Variants in L3MBTL4 observed in about 807,000 individuals in gnomAD.
L3MBTL4 encodes lethal(3)malignant brain tumor-like protein 4.
A neutral mutation model predicts 84.5 loss-of-function variants in L3MBTL4; 70 were observed. The ratio of observed to expected loss-of-function variants is 0.83; its 90% confidence interval spans 0.68 to 1.01. The LOEUF (loss-of-function observed/expected upper bound fraction) is 1.01. Ranked by LOEUF, L3MBTL4 falls within the 50% of genes least tolerant of loss-of-function variation. The probability of loss-of-function intolerance (pLI) is 0.00; values close to 1 mark genes in which losing one functional copy is unlikely to be tolerated. For synonymous variants in L3MBTL4, 274 were observed against 259.8 expected (o/e 1.05, Z -0.52); for missense variants, 715 against 754.8 (o/e 0.95, Z 0.62).
chr18:6,031,381 A>G (rs746504233), intron 16 of L3MBTL4: 65 of 985,328 alleles, frequency 6.6e-5, no homozygotes, highest in Non-Finnish European at 7.2e-5. Flanking sequence ...AAGAGAATGT[A>G]TATGAGGTGC....
intron 15 of L3MBTL4, among the ~76,000 whole-genome samples, chr18:6,088,327 T>G (rs79508861): frequency 6.6e-6 from 1 of 152,318 alleles, no homozygotes; most frequent in African/African-American, 2.4e-5. Context: ...CTATTTAACT[T>G]GTTGAGTGTC....
At chr18:6,020,475 A>T (rs1038273999) in intron 16 of L3MBTL4, among the ~76,000 whole-genome samples, 1 of 152,178 alleles carries the variant, frequency 6.6e-6, no homozygotes, top group Non-Finnish European at 1.5e-5. Flanking sequence ...TGCTGAAGGG[A>T]TTTCAGCATT....
intron 14 of L3MBTL4, among the ~76,000 whole-genome samples, chr18:6,101,654 C>T (rs981376653): frequency 3.3e-5 from 5 of 152,166 alleles, no homozygotes; most frequent in African/African-American, 1.2e-4. Flanking sequence ...CCTGCAGACT[C>T]GAATCCACTC....
At chr18:6,023,553 G>C (rs533845282) in intron 16 of L3MBTL4, among the ~76,000 whole-genome samples, 1 of 152,292 alleles carries the variant, frequency 6.6e-6, no homozygotes, top group African/African-American at 2.4e-5. Flanking sequence ...CATGCTACAA[G>C]CATTTACCAA....
intron 16 of L3MBTL4, among the ~76,000 whole-genome samples, chr18:6,040,568 T>C (rs2056355665): frequency 6.6e-6 from 1 of 152,192 alleles, no homozygotes; most frequent in African/African-American, 2.4e-5. Flanking sequence ...ATAAATATAA[T>C]TCAGTCCCAT....
chr18:6,374,136 T>C (rs2054271395), intron 1 of L3MBTL4, among the ~76,000 whole-genome samples: 1 of 152,204 alleles, frequency 6.6e-6, no homozygotes, highest in South Asian at 2.1e-4. Flanking sequence ...CCCTTCACAC[T>C]CCTGCTACAT....
At chr18:6,032,144 A>AT (rs899505002) in intron 16 of L3MBTL4, 7 of 275,654 alleles carry the variant, frequency 2.5e-5, no homozygotes, top group Admixed American at 1.2e-4. Flanking sequence ...CGCCTGGCTA[A>AT]TTTTTTGTAT....
intron 10 of L3MBTL4, among the ~76,000 whole-genome samples, chr18:6,219,048 G>A (rs2046439703): frequency 6.6e-6 from 1 of 152,156 alleles, no homozygotes; most frequent in Non-Finnish European, 1.5e-5. Flanking sequence ...GGTAAGCACT[G>A]TACTCACTTA....
chr18:6,318,476 A>T (rs1331275209), intron 1 of L3MBTL4, among the ~76,000 whole-genome samples: 1 of 144,952 alleles, frequency 6.9e-6, no homozygotes, highest in African/African-American at 2.5e-5. Context: ...GATAAAACAG[A>T]CTTTCAAACA....
intron 4 of L3MBTL4, among the ~76,000 whole-genome samples, chr18:6,293,001 C>A (rs1418322913): frequency 1.3e-5 from 2 of 152,168 alleles, no homozygotes; most frequent in Non-Finnish European, 2.9e-5. Flanking sequence ...TCTTATGAAA[C>A]CTCCAACCTT....
intron 12 of L3MBTL4, among the ~76,000 whole-genome samples, chr18:6,186,004 A>T (rs1169958738): frequency 6.9e-6 from 1 of 145,242 alleles, no homozygotes; most frequent in African/African-American, 2.6e-5. Context: ...ATTATTTTAT[A>T]TTTTATTTTA....
intron 16 of L3MBTL4, 61 bp from the exon 17 acceptor site, chr18:5,969,623 A>T: frequency 6.6e-7 from 1 of 1,522,542 alleles, no homozygotes; most frequent in Non-Finnish European, 8.9e-7. Flanking sequence ...CTGCTGTGTC[A>T]GCCCCGCAGT....
At chr18:6,289,727 A>G (rs2049763541) in intron 4 of L3MBTL4, among the ~76,000 whole-genome samples, 1 of 152,070 alleles carries the variant, frequency 6.6e-6, no homozygotes, top group Non-Finnish European at 1.5e-5. Context: ...TTGTCAGTAC[A>G]ATTCTAACTC....
At chr18:6,034,049 G>A (rs978190169) in intron 16 of L3MBTL4, among the ~76,000 whole-genome samples, 5 of 151,970 alleles carry the variant, frequency 3.3e-5, no homozygotes, top group Non-Finnish European at 5.9e-5. Flanking sequence ...ATTTCAATGT[G>A]CAGGACTTCT....
At chr18:6,087,999 G>C (rs529840442) in intron 15 of L3MBTL4, among the ~76,000 whole-genome samples, 2 of 152,286 alleles carry the variant, frequency 1.3e-5, no homozygotes, top group African/African-American at 4.8e-5. Flanking sequence ...GTACACTAAA[G>C]ATCTATAATG....
intron 1 of L3MBTL4, among the ~76,000 whole-genome samples, chr18:6,326,969 T>G (rs997079665): frequency 6.6e-6 from 1 of 151,942 alleles, no homozygotes; most frequent in African/African-American, 2.4e-5. Context: ...CAGGGGAAAA[T>G]AACTGTAAAA....
intron 1 of L3MBTL4, among the ~76,000 whole-genome samples, chr18:6,334,415 G>T (rs2052217308): frequency 6.6e-6 from 1 of 152,130 alleles, no homozygotes; most frequent in African/African-American, 2.4e-5. Context: ...TAAGTCAAAA[G>T]TGATTCAGTA....
At chr18:6,070,189 C>T (rs2057538077) in intron 16 of L3MBTL4, among the ~76,000 whole-genome samples, 1 of 152,042 alleles carries the variant, frequency 6.6e-6, no homozygotes, top group African/African-American at 2.4e-5. Flanking sequence ...AAGCCATACA[C>T]CCACAGATTT....
At chr18:5,967,775 C>A (rs145272195) in intron 17 of L3MBTL4, among the ~76,000 whole-genome samples, 1 of 152,158 alleles carries the variant, frequency 6.6e-6, no homozygotes, top group African/African-American at 2.4e-5. Context: ...TGGGAGAAGG[C>A]GGGACTGTTT....
Sources: allele counts gnomAD v4.1 joint callset (sites outside exome capture counted in the v4.1 genomes callset), GRCh38; gene constraint gnomAD v4.1.1; transcripts MANE v1.5; gene names NCBI Gene and HGNC (gene_info 2026-07-23, HGNC 2026-07-21).